The following TUSC3 variants were observed in gnomAD, a reference collection of about 807,000 sequenced individuals.
The protein encoded by TUSC3 is dolichyl-diphosphooligosaccharide--protein glycosyltransferase subunit TUSC3.
A neutral mutation model predicts 44.8 loss-of-function variants in TUSC3; 45 were observed. The observed-to-expected ratio is 1.00, with a 90% confidence interval of 0.79 to 1.29. TUSC3 has a LOEUF of 1.29. Among genes scored for constraint, TUSC3 ranks in the 50% most tolerant of loss-of-function variants. TUSC3 has a pLI of 0.00. For synonymous variants in TUSC3, 212 were observed against 152.9 expected, an observed-to-expected ratio of 1.39 and a Z score of -2.85; for missense variants, 519 against 437.9, an observed-to-expected ratio of 1.19 and a Z score of -1.65.
intron 1 of TUSC3, among the ~76,000 whole-genome samples, chr8:15,453,696 A>G (rs1374412545): frequency 6.6e-6 from 1 of 152,234 alleles, no homozygotes; most frequent in Non-Finnish European, 1.5e-5. Flanking sequence ...CTTGGGACTT[A>G]GTATAATTAC....
chr8:15,559,620 A>G (rs530979260), intron 1 of TUSC3, among the ~76,000 whole-genome samples: 1 of 139,634 alleles, frequency 7.2e-6, no homozygotes, highest in South Asian at 2.5e-4. Context: ...GTCTCCCATT[A>G]TTAATGTGTG....
At chr8:15,449,378 G>A (rs1205750959) in intron 1 of TUSC3, among the ~76,000 whole-genome samples, 1 of 152,154 alleles carries the variant, frequency 6.6e-6, no homozygotes, top group Non-Finnish European at 1.5e-5. Flanking sequence ...GATGTCAAAA[G>A]GTGAAGCAGA....
In TUSC3 at chr8:15,623,239, T is replaced by A. The variant is rs1472868261; in HGVS notation, c.298T>A (p.Ser100Thr). Residue 100 changes from serine (S) to threonine (T), a missense_variant, in exon 2 of 11, where the codon TCT becomes ACT. Coordinates refer to ENST00000503731, the MANE Select transcript of TUSC3 (RefSeq NM_006765.4). The stretch of plus-strand genomic sequence containing the variant: ...TGCTCTTCAGCCTCAGCGGCAGTGT[T>A]CTGTGTGCAGGTAATTTATGTAATT... ...FTALQPQRQC[S>T]VCRQANEEYQ... 6.2e-7 allele frequency: 1 copy of A among 1,602,948 alleles called. No homozygotes were observed. Among genetic ancestry groups the A allele is most frequent in the African/African-American group, 1.3e-5 (1 of 74,820 alleles).
the TUSC3 span, among the ~76,000 whole-genome samples, chr8:15,826,634 A>T: frequency 6.6e-6 from 1 of 152,182 alleles, no homozygotes; most frequent in Admixed American, 6.5e-5. Context: ...AATGAAGATA[A>T]CCCAAATGAG....
At chr8:15,474,837 C>G (rs1480791625) in intron 1 of TUSC3, among the ~76,000 whole-genome samples, 1 of 152,158 alleles carries the variant, frequency 6.6e-6, no homozygotes, top group African/African-American at 2.4e-5. Flanking sequence ...TCCTTCATAT[C>G]CACACACAAC....
intron 1 of TUSC3, among the ~76,000 whole-genome samples, chr8:15,619,511 A>T (rs573059439): frequency 6.7e-6 from 1 of 149,912 alleles, no homozygotes; most frequent in Admixed American, 6.6e-5. Flanking sequence ...TTTTTTTTCC[A>T]GTCGAAGTCT....
chr8:15,446,323 G>A (rs1800097117), intron 1 of TUSC3, among the ~76,000 whole-genome samples: 1 of 151,964 alleles, frequency 6.6e-6, no homozygotes, highest in South Asian at 2.1e-4. Context: ...TCCCAGACGG[G>A]GTGGCGGCCG....
At chr8:15,585,540 G>T (rs962584303) in intron 1 of TUSC3, among the ~76,000 whole-genome samples, 1 of 152,196 alleles carries the variant, frequency 6.6e-6, no homozygotes, top group Non-Finnish European at 1.5e-5. Context: ...ATAGGAAACT[G>T]ATGAGGGCTG....
intron 1 of TUSC3, among the ~76,000 whole-genome samples, chr8:15,585,185 G>C (rs28533931): frequency 6.6e-6 from 1 of 152,098 alleles, no homozygotes; most frequent in African/African-American, 2.4e-5. Context: ...GAATAGAGTG[G>C]CATTAGGAAT....
rs78149915 is a variant in TUSC3, at chr8:15,464,513, G to C, written n.92-18873G>C. Among the ~76,000 whole-genome samples, 40 of 152,236 alleles carry C rather than the reference G, an allele frequency of 2.6e-4. No individual in the cohort carries two copies. In the East Asian group the frequency reaches 7.0e-3, roughly 26 times the overall value. On this transcript the variant is annotated intron_variant and non_coding_transcript_variant, in intron 1 of 5. Transcript: ENST00000503191. Reference sequence around the variant, plus strand: ...CATGATGCTTTCTATCTAGTGATCTGTTTGACACCTGAAACAAATATATGT... The same window carrying C: ...CATGATGCTTTCTATCTAGTGATCTCTTTGACACCTGAAACAAATATATGT...
intron 2 of TUSC3, among the ~76,000 whole-genome samples, chr8:15,500,740 C>T (rs1332360808): frequency 6.6e-6 from 1 of 152,144 alleles, no homozygotes; most frequent in South Asian, 2.1e-4. Flanking sequence ...TGACAGGAAA[C>T]ATCAGTAGAT....
intron 6 of TUSC3, among the ~76,000 whole-genome samples, chr8:15,719,327 C>A (rs773667270): frequency 2.4e-4 from 36 of 151,962 alleles, no homozygotes; most frequent in Non-Finnish European, 4.0e-4. Context: ...AACTGCCTTG[C>A]CTTGTTCACA....
chr8:15,733,268 A>T (rs1243213859), intron 7 of TUSC3: 1 of 312,234 alleles, frequency 3.2e-6, no homozygotes, highest in East Asian at 9.5e-5. Flanking sequence ...ACATGTTAAC[A>T]TTAAAGCAAA....
chr8:15,689,656 T>A (rs1219536002), intron 6 of TUSC3: 1 of 153,812 alleles, frequency 6.5e-6, no homozygotes, highest in Non-Finnish European at 1.4e-5. Context: ...CCTTTCTTTG[T>A]GTCTATATGT....
At chr8:15,479,177 G>C (rs535283326) in intron 1 of TUSC3, among the ~76,000 whole-genome samples, 153 of 152,068 alleles carry the variant, frequency 1.0e-3, no homozygotes, top group African/African-American at 3.5e-3. Context: ...TAGATTTTGG[G>C]TATTAGACCT....
chr8:15,599,809 A>T (rs1804210855), intron 1 of TUSC3, among the ~76,000 whole-genome samples: 1 of 146,460 alleles, frequency 6.8e-6, no homozygotes, highest in South Asian at 2.2e-4. Context: ...TGTCTTTATT[A>T]TTGTAACTTT....
chr8:15,661,174 G>T (rs975767402), intron 4 of TUSC3, among the ~76,000 whole-genome samples: 3 of 151,932 alleles, frequency 2.0e-5, no homozygotes, highest in Non-Finnish European at 4.4e-5. Flanking sequence ...AAGCAAAGCA[G>T]TTATCAACTT....
At chr8:15,682,564 G>T (rs1808469289) in intron 6 of TUSC3, among the ~76,000 whole-genome samples, 1 of 152,070 alleles carries the variant, frequency 6.6e-6, no homozygotes, top group South Asian at 2.1e-4. Context: ...CATGTGAAAT[G>T]GATCTATTGG....
chr8:15,837,003 A>T, the TUSC3 span, among the ~76,000 whole-genome samples: 41 of 152,144 alleles, frequency 2.7e-4, no homozygotes, highest in African/African-American at 7.9e-4. Context: ...TTTCTATGTT[A>T]AATAAGGTAG....
Sources: gnomAD v4.1 joint callset for allele counts (sites outside exome capture counted in the v4.1 genomes callset) on GRCh38, gnomAD v4.1.1 for gene constraint, MANE v1.5 for transcripts, NCBI Gene and HGNC (gene_info 2026-07-23, HGNC 2026-07-21) for gene names.